TSNARE1: variants seen among roughly 807,000 people sequenced by gnomAD.
The protein encoded by TSNARE1 is t-SNARE domain containing 1, also known as t-SNARE domain-containing protein 1.
A neutral mutation model predicts 62.0 loss-of-function variants in TSNARE1; 49 were observed. The ratio of observed to expected loss-of-function variants is 0.79; its 90% CI spans 0.63 to 1.00. The LOEUF (loss-of-function observed/expected upper bound fraction) is 1.00. TSNARE1 is among the 50% of genes least tolerant of loss of function. The pLI is 0.00. For synonymous variants in TSNARE1, 328 were observed against 294.4 expected, an observed-to-expected ratio of 1.11 and a Z score of -1.17; for missense variants, 755 against 700.1, an observed-to-expected ratio of 1.08 and a Z score of -0.88.
chr8:142,282,387 C>T (rs74944121), intron 11 of TSNARE1, among the ~76,000 whole-genome samples: 2,910 of 152,228 alleles, frequency 0.019, 33 homozygotes, highest in East Asian at 0.04. Flanking sequence ...CAGGGACCAG[C>T]GTCTGTCAAT....
chr8:142,317,308 G>A (rs552170826), intron 7 of TSNARE1, among the ~76,000 whole-genome samples: 8 of 129,040 alleles, frequency 6.2e-5, no homozygotes, highest in South Asian at 4.9e-4. Flanking sequence ...TATGGCCAGC[G>A]GCTCACACTG....
chr8:142,405,443 G>A (rs199846863), upstream of TSNARE1: 1 of 152,180 alleles, frequency 6.6e-6, no homozygotes, highest in African/African-American at 2.4e-5. Flanking sequence ...TGTTACCTAA[G>A]GGGGTGGGGG....
At chr8:142,318,492 C>T (rs376059031) in intron 7 of TSNARE1, 52 bp downstream of exon 7, 110 of 1,543,588 alleles carry the variant, frequency 7.1e-5, no homozygotes, top group Non-Finnish European at 9.5e-5. Context: ...CCATCACAGG[C>T]AGAGGGGTCC....
intron 13 of TSNARE1, among the ~76,000 whole-genome samples, chr8:142,224,208 G>A (rs1816671167): frequency 6.6e-6 from 1 of 152,230 alleles, no homozygotes. Flanking sequence ...CGGGGTGGCT[G>A]GTGGGAAAAG....
At chr8:142,398,532 C>T (rs975607832) in intron 1 of TSNARE1, among the ~76,000 whole-genome samples, 1 of 152,144 alleles carries the variant, frequency 6.6e-6, no homozygotes, top group African/African-American at 2.4e-5. Context: ...CACCTCCTCA[C>T]TCCACCGCCT....
At chr8:142,276,940 C>T in intron 11 of TSNARE1, 1 of 985,458 alleles carries the variant, frequency 1.0e-6, no homozygotes, top group African/African-American at 1.7e-5. Flanking sequence ...GTGGGCACGC[C>T]ATGTCCTGCC....
chr8:142,315,636 C>G (rs1032446248), intron 7 of TSNARE1, among the ~76,000 whole-genome samples: 15 of 151,886 alleles, frequency 9.9e-5, no homozygotes, highest in Non-Finnish European at 2.2e-4. Context: ...TGGGGCTGGA[C>G]ACGCACGGAG....
chr8:142,227,485 C>T (rs1227394195), intron 13 of TSNARE1, among the ~76,000 whole-genome samples: 5 of 151,796 alleles, frequency 3.3e-5, no homozygotes, highest in African/African-American at 4.8e-5. Context: ...AGCCAGGCCC[C>T]CATTCCTGCC....
chr8:142,243,133 C>A (rs1339847549), intron 12 of TSNARE1, among the ~76,000 whole-genome samples: 1 of 151,976 alleles, frequency 6.6e-6, no homozygotes, highest in Non-Finnish European at 1.5e-5. Flanking sequence ...GAAAAGGGAA[C>A]CCTTGCGCAC....
chr8:142,342,774 A>T (rs888599556), intron 4 of TSNARE1, among the ~76,000 whole-genome samples: 1 of 149,878 alleles, frequency 6.7e-6, no homozygotes, highest in African/African-American at 2.5e-5. Flanking sequence ...GTCTGGGCCC[A>T]CCACAGCAGG....
chr8:142,213,358 C>T (rs1815668715), intron 13 of TSNARE1, among the ~76,000 whole-genome samples: 2 of 148,646 alleles, frequency 1.3e-5, no homozygotes, highest in Admixed American at 6.7e-5. Flanking sequence ...GCTCCTGAGG[C>T]CCCATCACGT....
At chr8:142,216,652 C>T (rs972773264) in intron 13 of TSNARE1, among the ~76,000 whole-genome samples, 1 of 152,154 alleles carries the variant, frequency 6.6e-6, no homozygotes, top group African/African-American at 2.4e-5. Context: ...TCCTCTCCCT[C>T]CTGCCTGAGA....
intron 13 of TSNARE1, among the ~76,000 whole-genome samples, chr8:142,217,375 A>AAGAAAG (rs1563750487): frequency 2.4e-4 from 31 of 131,364 alleles, no homozygotes; most frequent in African/African-American, 9.3e-4. Flanking sequence ...AAGAAAGAAA[A>AAGAAAG]AAGGGAAAGA....
At position 142,388,761 on chromosome 8, in the gene TSNARE1, T is replaced by A. The variant is rs1199717641; in HGVS notation, c.-40+14343A>T. On this transcript the variant is annotated intron_variant, in intron 1 of 13. Coordinates refer to ENST00000524325, the MANE Select transcript of TSNARE1 (RefSeq NM_145003.5). The stretch of plus-strand genomic sequence containing the variant: ...TTAGTAGAGACGGGGTTTTGCCATG[T>A]TGGCCAGGCTGGTCTCAAACTCCTG... Among the ~76,000 whole-genome samples the A allele has an allele frequency of 2.0e-5, 3 of 152,124 alleles. 1 individual carries two copies. The highest frequency in any genetic ancestry group is 7.2e-5 in the African/African-American group (3 of 41,422).
rs1817721347 is a variant in TSNARE1 at position 142,242,771 on chromosome 8, G to A, written c.1447-13192C>T. ...GAGGTCAGGAGTTCAAGACCAGCCTGGCCAACATGGTGAAACCCTGTCTCT... is the reference window on the plus strand; with the variant it reads ...GAGGTCAGGAGTTCAAGACCAGCCTAGCCAACATGGTGAAACCCTGTCTCT... On this transcript the variant is annotated intron_variant, in intron 12 of 13. Coordinates refer to ENST00000524325, the MANE Select transcript of TSNARE1 (RefSeq NM_145003.5). Among the ~76,000 whole-genome samples the A allele has an allele frequency of 3.3e-5, 5 of 152,160 alleles. No individual in the cohort carries two copies. The South Asian group carries it at 1.0e-3, about 32-fold the overall frequency.
chr8:142,389,992 G>A (rs1299411454), intron 1 of TSNARE1, among the ~76,000 whole-genome samples: 1 of 152,206 alleles, frequency 6.6e-6, no homozygotes, highest in Non-Finnish European at 1.5e-5. Context: ...AACCTGGACA[G>A]CAGGCAAATG....
intron 12 of TSNARE1, among the ~76,000 whole-genome samples, chr8:142,232,240 TG>T: frequency 6.6e-6 from 1 of 152,320 alleles, no homozygotes; most frequent in South Asian, 2.1e-4. Flanking sequence ...AGCACTCCCC[TG>T]GGCCTCTATC....
rs997716115 is a variant in TSNARE1, at chr8:142,232,832, C to T, written c.1447-3253G>A. Reference sequence around the variant, plus strand: ...GGCAGAGGCAGGCCTTTGAAGAGGGCTCTGCAGCCCCAGACTTGTCCAGCT... The same window carrying T: ...GGCAGAGGCAGGCCTTTGAAGAGGGTTCTGCAGCCCCAGACTTGTCCAGCT... On this transcript the variant is annotated intron_variant, in intron 12 of 13. Coordinates refer to ENST00000524325, the MANE Select transcript of TSNARE1 (RefSeq NM_145003.5). Among the ~76,000 whole-genome samples the T allele has an allele frequency of 2.0e-5, 3 of 152,356 alleles. No homozygotes were observed. In the East Asian group the frequency reaches 5.8e-4, roughly 29 times the overall value.
At chr8:142,239,631 G>C (rs1817592579) in intron 12 of TSNARE1, among the ~76,000 whole-genome samples, 1 of 152,210 alleles carries the variant, frequency 6.6e-6, no homozygotes, top group East Asian at 1.9e-4. Context: ...AATGCACCAG[G>C]TGCATCTGAA....
Sources: gnomAD v4.1 joint callset for allele counts (sites outside exome capture counted in the v4.1 genomes callset) on GRCh38, gnomAD v4.1.1 for gene constraint, MANE v1.5 for transcripts, NCBI Gene and HGNC (gene_info 2026-07-23, HGNC 2026-07-21) for gene names.